The following EBF1 variants were observed in gnomAD, a reference collection of about 807,000 sequenced individuals.
The protein encoded by EBF1 is transcription factor COE1.
In EBF1, 10 loss-of-function variants were observed where a neutral mutation model predicts 68.4. The ratio of observed to expected loss-of-function variants is 0.15; its 90% CI spans 0.09 to 0.25. The LOEUF (loss-of-function observed/expected upper bound fraction) is 0.25. Ranked by LOEUF, EBF1 falls within the 10% of genes least tolerant of loss-of-function variation. The pLI is 1.00. For missense variants in EBF1, 509 were observed against 794.4 expected (o/e 0.64, Z 4.32); for synonymous variants, 298 against 299.8 (o/e 0.99, Z 0.06).
rs538789155 is a variant in EBF1 at position 158,870,720 on chromosome 5, C to T, written c.555-30610G>A. On this transcript the variant is annotated intron_variant, in intron 6 of 15. Transcript: ENST00000313708. ...AAAGAATGAGAAATCTGAGGCTTGC[C>T]CACTAGCCCACAACCACATAGCAAG... 9.3e-4 allele frequency among the ~76,000 whole-genome samples: 142 copies of T among 152,144 alleles called. 1 individual carries two copies. The highest frequency in any genetic ancestry group is 1.9e-3 in the Non-Finnish European group (131 of 67,984).
At chr5:159,099,253 C>T in intron 1 of EBF1, 92 bp downstream of exon 1, 1 of 1,063,076 alleles carries the variant, frequency 9.4e-7, no homozygotes. Context: ...CGCCCGGCCC[C>T]GCGGCAGCAG....
At chr5:159,055,409 C>T (rs979299842) in intron 6 of EBF1, among the ~76,000 whole-genome samples, 1 of 152,268 alleles carries the variant, frequency 6.6e-6, no homozygotes, top group East Asian at 1.9e-4. Flanking sequence ...TAAATAACAG[C>T]AGGGGCAGTA....
At chr5:158,979,542 G>C (rs1757486959) in intron 6 of EBF1, among the ~76,000 whole-genome samples, 2 of 152,126 alleles carry the variant, frequency 1.3e-5, no homozygotes, top group African/African-American at 2.4e-5. Context: ...AATGCAGCCA[G>C]CTTATTGTAA....
At chr5:159,083,294 A>G (rs1447374298) in intron 5 of EBF1, among the ~76,000 whole-genome samples, 1 of 152,206 alleles carries the variant, frequency 6.6e-6, no homozygotes, top group Non-Finnish European at 1.5e-5. Flanking sequence ...ACAATTCTGA[A>G]AGGTGCAACT....
At chr5:158,762,224 A>T (rs913737129) in intron 10 of EBF1, among the ~76,000 whole-genome samples, 5 of 152,230 alleles carry the variant, frequency 3.3e-5, no homozygotes, top group African/African-American at 1.2e-4. Flanking sequence ...TGTATAAAGC[A>T]GCCTTCTTAG....
chr5:159,094,165 C>CA (rs869228922), intron 4 of EBF1, among the ~76,000 whole-genome samples: 1,677 of 21,880 alleles, frequency 0.077, 570 homozygotes, highest in Non-Finnish European at 0.12. Flanking sequence ...CCTTGGAAGG[C>CA]AAAAAAAAAA....
At chr5:158,892,457 C>T (rs1801367922) in intron 6 of EBF1, among the ~76,000 whole-genome samples, 1 of 152,128 alleles carries the variant, frequency 6.6e-6, no homozygotes, top group African/African-American at 2.4e-5. Context: ...CTACTGCATT[C>T]CATCCTGGAT....
chr5:159,040,191 C>T (rs1439110762), intron 6 of EBF1, among the ~76,000 whole-genome samples: 3 of 152,180 alleles, frequency 2.0e-5, no homozygotes, highest in African/African-American at 7.2e-5. Context: ...AAGTGCCGCA[C>T]ACCAGCACCA....
At position 158,696,558 on chromosome 5, in the gene EBF1, C is replaced by CGCTT. The variant is rs1308832049; in HGVS notation, c.*2549_*2552dup. Reference sequence around the variant, plus strand: ...TAACTTGTGTACATCTTCAGGCCAGCGCTTACCACGCAAATTCAGATAACC... The same window carrying CGCTT: ...TAACTTGTGTACATCTTCAGGCCAGCGCTTGCTTACCACGCAAATTCAGATAACC... On this transcript the variant is annotated 3_prime_UTR_variant, in exon 16 of 16. Coordinates refer to ENST00000313708, the MANE Select transcript of EBF1 (RefSeq NM_024007.5). The CGCTT allele has an allele frequency of 4.5e-6, 1 of 223,534 alleles. No individual in the cohort carries two copies. Among genetic ancestry groups the CGCTT allele is most frequent in the Non-Finnish European group, 8.9e-6 (1 of 111,842 alleles). The allele number at this position is 223,534 out of a possible 1,614,324, so 13.8% of individuals were successfully genotyped here.
Position 158,959,669 on chromosome 5 carries a change from G to GTA in EBF1, c.554+113725_554+113726dup, listed in dbSNP as rs370774868. 4.2e-3 allele frequency among the ~76,000 whole-genome samples: 626 copies of GTA among 150,688 alleles called. 5 individuals are homozygous for GTA. Among genetic ancestry groups the GTA allele is most frequent in the Admixed American group, 0.018 (272 of 15,122 alleles). ...TTAAGACAAAAGAATATATATGTAT[G>GTA]TATATATATATATACTTTCAAGATA... On this transcript the variant is annotated intron_variant, in intron 6 of 15. Coordinates refer to ENST00000313708, the MANE Select transcript of EBF1 (RefSeq NM_024007.5).
At chr5:158,844,786 TAA>T (rs376516843) in intron 6 of EBF1, among the ~76,000 whole-genome samples, 1 of 152,344 alleles carries the variant, frequency 6.6e-6, no homozygotes, top group African/African-American at 2.4e-5. Flanking sequence ...GACATCCTAT[TAA>T]AAGTTTTATT....
chr5:159,064,899 CTTTTTTTTT>C (rs57256923), intron 6 of EBF1, among the ~76,000 whole-genome samples: 3 of 67,938 alleles, frequency 4.4e-5, no homozygotes, highest in South Asian at 7.9e-4. Flanking sequence ...CTCTTTTCAT[CTTTTTTTTT>C]TTTTTTTTTT....
At chr5:158,718,847 T>A (rs1024657188) in intron 11 of EBF1, among the ~76,000 whole-genome samples, 5 of 152,156 alleles carry the variant, frequency 3.3e-5, no homozygotes, top group African/African-American at 4.8e-5. Context: ...CAGAAGTATA[T>A]ACTGAGAGGT....
chr5:158,794,774 G>A (rs1440239886), intron 9 of EBF1, among the ~76,000 whole-genome samples: 1 of 152,170 alleles, frequency 6.6e-6, no homozygotes. Context: ...GAGGACTGCT[G>A]TCTCCAGCAG....
intron 10 of EBF1, among the ~76,000 whole-genome samples, chr5:158,761,344 C>T (rs1771400248): frequency 6.6e-6 from 1 of 152,142 alleles, no homozygotes; most frequent in Non-Finnish European, 1.5e-5. Context: ...TTGATTATTT[C>T]GATGTTAACA....
intron 7 of EBF1, among the ~76,000 whole-genome samples, chr5:158,836,274 G>A (rs574042022): frequency 6.0e-4 from 91 of 152,292 alleles, no homozygotes; most frequent in Middle Eastern, 3.4e-3. Context: ...TGCATAAATA[G>A]TGGTTAAGAT....
intron 5 of EBF1, chr5:159,073,687 G>C: frequency 3.7e-6 from 2 of 534,794 alleles, no homozygotes; most frequent in Middle Eastern, 4.9e-4. Flanking sequence ...GGGGGAGAGG[G>C]GCTCTCCCAG....
rs574552158 is a variant in EBF1 at position 158,769,247 on chromosome 5, C to T, written c.1036+8166G>A. On this transcript the variant is annotated intron_variant, in intron 10 of 15. Coordinates refer to ENST00000313708, the MANE Select transcript of EBF1 (RefSeq NM_024007.5). ...ACCGTTGGTTATGGTCTGTTATTTG[C>T]TTGGCTGTAGTCAATATGTTTTCTT... Among the ~76,000 whole-genome samples, 3 of 152,242 alleles carry T rather than the reference C, an allele frequency of 2.0e-5. No homozygotes were observed. The East Asian group carries it at 5.8e-4, about 29-fold the overall frequency.
intron 6 of EBF1, among the ~76,000 whole-genome samples, chr5:158,901,022 G>A (rs1803201167): frequency 6.6e-6 from 1 of 152,162 alleles, no homozygotes; most frequent in South Asian, 2.1e-4. Context: ...TTCTGTTTAT[G>A]CTCTTCTTTT....
Sources: allele counts gnomAD v4.1 joint callset (sites outside exome capture counted in the v4.1 genomes callset), GRCh38; gene constraint gnomAD v4.1.1; transcripts MANE v1.5; gene names NCBI Gene and HGNC (gene_info 2026-07-23, HGNC 2026-07-21).